Variants in CAB39L observed in about 807,000 individuals in gnomAD.
CAB39L encodes the protein calcium-binding protein 39-like.
CAB39L carries 23 observed loss-of-function variants against 39.1 expected under a neutral mutation model. The observed-to-expected ratio is 0.59, with a 90% CI of 0.42 to 0.83. The LOEUF is 0.83. CAB39L is among the 40% of genes least tolerant of loss of function. The probability of loss-of-function intolerance (pLI) is 0.00; values close to 1 mark genes in which losing one functional copy is unlikely to be tolerated. For missense variants in CAB39L, 366 were observed against 391.9 expected, an observed-to-expected ratio of 0.93 and a Z score of 0.56; for synonymous variants, 126 against 137.2, an observed-to-expected ratio of 0.92 and a Z score of 0.57.
rs183554064 is a variant in CAB39L at position 49,367,365 on chromosome 13, C to G, written c.277-7533G>C. 9.2e-5 allele frequency among the ~76,000 whole-genome samples: 14 copies of G among 152,236 alleles called. 1 individual carries two copies. In the South Asian group the frequency reaches 1.7e-3, roughly 18 times the overall value. ...TGGCTAAAATAAAAAATAGCAACAA[C>G]ATCAAATGCTGGCAAGAATGAAGAG... On this transcript the variant is annotated intron_variant, in intron 5 of 10. Coordinates refer to ENST00000409308, the MANE Select transcript of CAB39L (RefSeq NM_001079670.3).
At chr13:49,438,187 T>C (rs1017100312) in intron 1 of CAB39L, among the ~76,000 whole-genome samples, 1 of 152,114 alleles carries the variant, frequency 6.6e-6, no homozygotes, top group African/African-American at 2.4e-5. Flanking sequence ...ATGTTTAAGC[T>C]TCCACCTGTC....
At chr13:49,414,036 A>G (rs1305199254) in intron 3 of CAB39L, 3 of 152,232 alleles carry the variant, frequency 2.0e-5, no homozygotes, top group African/African-American at 2.4e-5. Flanking sequence ...ACCGTCTCCA[A>G]ATACTTGAAC....
In CAB39L at chr13:49,344,269, CTG is replaced by C. The variant is rs1955084114; in HGVS notation, c.565-33_565-32del. On this transcript the variant is annotated intron_variant, in intron 7 of 10. Coordinates refer to ENST00000409308, the MANE Select transcript of CAB39L (RefSeq NM_001079670.3). ...AAAAGAAAAACCAAGTGAAACAAAA[CTG>C]TTATAGCTATTAATATTACAAATGT... 2.4e-6 allele frequency: 3 copies of C among 1,232,456 alleles called. No individual in the cohort carries two copies. In the African/African-American group the frequency reaches 4.5e-5, roughly 18 times the overall value. The allele number at this position is 1,232,456 out of a possible 1,614,324, so 76.3% of individuals were successfully genotyped here.
intron 6 of CAB39L, among the ~76,000 whole-genome samples, chr13:49,357,403 A>G (rs1955516569): frequency 6.6e-6 from 1 of 152,228 alleles, no homozygotes; most frequent in African/African-American, 2.4e-5. Context: ...ATAGCAAACA[A>G]TGAGTAAATG....
chr13:49,359,943 T>TCTG, intron 5 of CAB39L, 111 bp from the exon 6 acceptor site: 1 of 579,072 alleles, frequency 1.7e-6, no homozygotes, highest in Non-Finnish European at 3.0e-6. Flanking sequence ...GTACCATCCT[T>TCTG]TCTAATATGC....
intron 3 of CAB39L, among the ~76,000 whole-genome samples, chr13:49,417,866 A>C (rs1957109913): frequency 6.6e-6 from 1 of 152,224 alleles, no homozygotes; most frequent in Admixed American, 6.5e-5. Flanking sequence ...GAAAGTGAGA[A>C]TACCCACTAG....
At chr13:49,405,002 T>TAG (rs894759782) in intron 3 of CAB39L, among the ~76,000 whole-genome samples, 3 of 151,654 alleles carry the variant, frequency 2.0e-5, no homozygotes, top group Admixed American at 2.0e-4. Flanking sequence ...GAGATCGGGG[T>TAG]AGAGAGTTTA....
chr13:49,335,022 T>C (rs1441924502), intron 9 of CAB39L, among the ~76,000 whole-genome samples: 3 of 152,196 alleles, frequency 2.0e-5, no homozygotes, highest in East Asian at 1.9e-4. Context: ...AAACTCTCCT[T>C]GTGACAGAGA....
intron 10 of CAB39L, among the ~76,000 whole-genome samples, chr13:49,321,523 T>A (rs1431142925): frequency 6.6e-6 from 1 of 152,218 alleles, no homozygotes; most frequent in East Asian, 1.9e-4. Context: ...TAAAGCAGCA[T>A]CCCTGACCAC....
intron 3 of CAB39L, among the ~76,000 whole-genome samples, chr13:49,393,309 T>C (rs900270583): frequency 1.3e-5 from 2 of 152,036 alleles, no homozygotes; most frequent in African/African-American, 2.4e-5. Flanking sequence ...CAACTAAATA[T>C]GTACAAAATC....
At chr13:49,426,203 G>A (rs187239057) in intron 3 of CAB39L, among the ~76,000 whole-genome samples, 50 of 152,288 alleles carry the variant, frequency 3.3e-4, no homozygotes, top group African/African-American at 9.6e-4. Flanking sequence ...GCTATTGTTT[G>A]ATTGAATGGA....
chr13:49,321,517 G>A (rs1954338762), intron 10 of CAB39L, among the ~76,000 whole-genome samples: 1 of 152,194 alleles, frequency 6.6e-6, no homozygotes, highest in African/African-American at 2.4e-5. Flanking sequence ...AGAAGTTAAA[G>A]CAGCATCCCT....
chr13:49,417,559 A>G (rs963367488), intron 3 of CAB39L, among the ~76,000 whole-genome samples: 1 of 152,156 alleles, frequency 6.6e-6, no homozygotes, highest in Non-Finnish European at 1.5e-5. Flanking sequence ...GATATTAAAA[A>G]TATTATCTAA....
chr13:49,311,727 A>G (rs1288413603), intron 10 of CAB39L, among the ~76,000 whole-genome samples: 1 of 152,230 alleles, frequency 6.6e-6, no homozygotes, highest in Non-Finnish European at 1.5e-5. Context: ...AAGCACAGAA[A>G]AAGCTTATAG....
At chr13:49,392,284 TTAAA>T (rs2138624504) in intron 3 of CAB39L, among the ~76,000 whole-genome samples, 1 of 152,296 alleles carries the variant, frequency 6.6e-6, no homozygotes, top group African/African-American at 2.4e-5. Context: ...AAAGGCTATA[TTAAA>T]TAGTTTTAAT....
intron 7 of CAB39L, among the ~76,000 whole-genome samples, chr13:49,349,500 C>CT (rs1955278410): frequency 6.7e-6 from 1 of 149,440 alleles, no homozygotes; most frequent in Admixed American, 6.7e-5. Flanking sequence ...GTCTTACCTA[C>CT]TTTTTAAACC....
chr13:49,411,297 C>A (rs1243248633), intron 3 of CAB39L, among the ~76,000 whole-genome samples: 1 of 151,182 alleles, frequency 6.6e-6, no homozygotes. Context: ...GTAATCCCAG[C>A]TACTTAGGAG....
intron 3 of CAB39L, among the ~76,000 whole-genome samples, chr13:49,430,555 T>C (rs756652769): frequency 6.6e-6 from 1 of 152,018 alleles, no homozygotes; most frequent in Admixed American, 6.6e-5. Flanking sequence ...CTACTAACTA[T>C]ACATTTCTTT....
chr13:49,364,473 A>T (rs1326157358), intron 5 of CAB39L, among the ~76,000 whole-genome samples: 8 of 152,246 alleles, frequency 5.3e-5, no homozygotes, highest in Non-Finnish European at 1.0e-4. Flanking sequence ...AATGAAGGGC[A>T]TCCAAATTGG....
Sources: allele counts gnomAD v4.1 joint callset (sites outside exome capture counted in the v4.1 genomes callset), GRCh38; gene constraint gnomAD v4.1.1; transcripts MANE v1.5; gene names NCBI Gene and HGNC (gene_info 2026-07-23, HGNC 2026-07-21).